The following UTRN variants were observed in gnomAD, a reference collection of about 807,000 sequenced individuals.
UTRN encodes the protein dystrophin-related protein 1.
UTRN carries 283 observed loss-of-function variants against 463.9 expected under a neutral mutation model. That is an observed-to-expected ratio of 0.61 (90% CI 0.55 to 0.67). UTRN has a LOEUF of 0.67. Among genes scored for constraint, UTRN ranks in the 30% least tolerant of loss-of-function variants. UTRN has a pLI of 0.00. For synonymous variants in UTRN, 1,442 were observed against 1,431.5 expected (o/e 1.01, Z -0.17); for missense variants, 3,922 against 4,084.3 (o/e 0.96, Z 1.08).
chr6:144,404,119 G>C (rs760156707), intron 3 of UTRN, among the ~76,000 whole-genome samples: 1 of 152,130 alleles, frequency 6.6e-6, no homozygotes. Flanking sequence ...AATGCTCCAC[G>C]TCCCAATATT....
rs147604505 is a variant in UTRN at position 144,516,909 on chromosome 6, G to C, written c.5502G>C (p.Leu1834Phe). The C allele has an allele frequency of 1.3e-6, 2 of 1,495,654 alleles. No homozygotes were observed. Among genetic ancestry groups the C allele is most frequent in the Non-Finnish European group, 1.8e-6 (2 of 1,125,358 alleles). 92.6% of individuals were successfully genotyped at this position (1,495,654 alleles called of 1,614,324 possible). Residue 1834 changes from leucine (L) to phenylalanine (F), a missense_variant, in exon 39 of 75, where the codon TTG becomes TTC. Around this residue, in one of 3 missense-constraint regions of UTRN, gnomAD observed 2,349 missense variants for 2,303.8 expected, o/e 1.02. Transcript: ENST00000367545. Reference protein sequence around the residue: ...MEDNKKEKIRLQLLLLHTRYN... With the variant: ...MEDNKKEKIRFQLLLLHTRYN... ...ATAATAAAAAAGAAAAGATCCGTTT[G>C]CAATTATTACTTTTGCATACTAGAT...
intron 53 of UTRN, among the ~76,000 whole-genome samples, chr6:144,720,249 A>C (rs1786976509): frequency 6.6e-6 from 1 of 152,218 alleles, no homozygotes; most frequent in Admixed American, 6.5e-5. Context: ...CACGCCAATC[A>C]CTTCTTTATA....
chr6:144,473,928 A>G (rs1182386734), intron 24 of UTRN, 95 bp downstream of exon 24: 4 of 748,376 alleles, frequency 5.3e-6, no homozygotes, highest in South Asian at 3.8e-5. Flanking sequence ...AGAATATAGC[A>G]TAGCATTACA....
chr6:144,649,608 A>C (rs1778605455), intron 51 of UTRN, among the ~76,000 whole-genome samples: 1 of 152,190 alleles, frequency 6.6e-6, no homozygotes, highest in South Asian at 2.1e-4. Context: ...AGGGAATGAT[A>C]CGACAGTATA....
intron 58 of UTRN, among the ~76,000 whole-genome samples, chr6:144,759,499 G>C (rs1455806727): frequency 1.3e-5 from 2 of 152,030 alleles, no homozygotes; most frequent in Non-Finnish European, 2.9e-5. Flanking sequence ...ACCCCTGAAA[G>C]ATGCTCACAT....
intron 34 of UTRN, among the ~76,000 whole-genome samples, chr6:144,508,637 T>G (rs1794905086): frequency 6.6e-6 from 1 of 152,156 alleles, no homozygotes; most frequent in African/African-American, 2.4e-5. Flanking sequence ...TCTGTTTTGG[T>G]CTTGCTGGGA....
chr6:144,500,809 G>A (rs1794104838), intron 34 of UTRN, among the ~76,000 whole-genome samples: 1 of 152,230 alleles, frequency 6.6e-6, no homozygotes, highest in Non-Finnish European at 1.5e-5. Context: ...GGCTTCTGCA[G>A]TAGAGAAAGA....
At chr6:144,615,860 C>CA (rs1455254217) in intron 51 of UTRN, among the ~76,000 whole-genome samples, 1 of 152,132 alleles carries the variant, frequency 6.6e-6, no homozygotes, top group Non-Finnish European at 1.5e-5. Flanking sequence ...CAAAGGCTCC[C>CA]ATTACACTTA....
intron 2 of UTRN, among the ~76,000 whole-genome samples, chr6:144,387,075 A>G (rs1781486739): frequency 6.6e-6 from 1 of 152,098 alleles, no homozygotes; most frequent in Non-Finnish European, 1.5e-5. Context: ...AAGTCTAGGT[A>G]GTTTGGTGTG....
At chr6:144,704,286 T>G (rs1293467907) in intron 53 of UTRN, among the ~76,000 whole-genome samples, 1 of 152,196 alleles carries the variant, frequency 6.6e-6, no homozygotes, top group African/African-American at 2.4e-5. Flanking sequence ...TCACCCTATC[T>G]TTTTCTTTAG....
intron 50 of UTRN, among the ~76,000 whole-genome samples, chr6:144,563,168 C>T (rs956276080): frequency 4.6e-5 from 7 of 152,002 alleles, no homozygotes; most frequent in Admixed American, 3.9e-4. Flanking sequence ...ATATAGTTTT[C>T]AAAAGGTTAT....
In UTRN at chr6:144,453,870, G is replaced by A. The variant is rs1268767784; in HGVS notation, c.2284+1G>A. 4 of 1,611,340 alleles carry A rather than the reference G, an allele frequency of 2.5e-6. No homozygotes were observed. The African/African-American group carries it at 4.0e-5, about 16-fold the overall frequency. ...ATCCTTGTGGAGCAAATGGGAAAAG[G>A]TAAGATCCTTGATTTTTTTCCCCTA... On this transcript the variant is annotated splice_donor_variant, in intron 19 of 74. Coordinates refer to ENST00000367545, the MANE Select transcript of UTRN (RefSeq NM_007124.3). LOFTEE classifies it high-confidence loss of function.
intron 52 of UTRN, among the ~76,000 whole-genome samples, chr6:144,684,445 T>C (rs1475742809): frequency 1.3e-5 from 2 of 152,194 alleles, no homozygotes; most frequent in Admixed American, 6.5e-5. Context: ...CCAAGTTTCT[T>C]TTTACTTTAT....
At chr6:144,713,980 G>T (rs561049856) in intron 53 of UTRN, among the ~76,000 whole-genome samples, 41 of 148,566 alleles carry the variant, frequency 2.8e-4, no homozygotes, top group Non-Finnish European at 4.8e-4. Flanking sequence ...AAAAGCAAAA[G>T]AATTTCTGTC....
intron 22 of UTRN, 94 bp from the exon 23 acceptor site, chr6:144,462,560 T>C (rs946876076): frequency 1.6e-6 from 2 of 1,226,060 alleles, no homozygotes; most frequent in Non-Finnish European, 2.3e-6. Context: ...TCTAATGCAT[T>C]TTAAAGTGAC....
chr6:144,309,688 T>C (rs1806072229), intron 2 of UTRN, among the ~76,000 whole-genome samples: 1 of 152,216 alleles, frequency 6.6e-6, no homozygotes, highest in African/African-American at 2.4e-5. Context: ...CCTTGGCCCA[T>C]GGAGGCTGGT....
chr6:144,737,592 A>G (rs1022466753), intron 54 of UTRN, among the ~76,000 whole-genome samples: 2 of 152,210 alleles, frequency 1.3e-5, no homozygotes, highest in African/African-American at 4.8e-5. Flanking sequence ...ATAGGGCTAA[A>G]TGGGTAAAAT....
At chr6:144,655,450 T>G (rs79851220) in intron 51 of UTRN, among the ~76,000 whole-genome samples, 4,118 of 152,330 alleles carry the variant, frequency 0.027, 142 homozygotes, top group African/African-American at 0.076. Context: ...TATATTTCTT[T>G]CACAAGAAAT....
At chr6:144,346,875 C>CATCTATCTATCTATCTATCTATCT (rs5880591) in intron 2 of UTRN, among the ~76,000 whole-genome samples, 2 of 151,096 alleles carry the variant, frequency 1.3e-5, no homozygotes, top group African/African-American at 4.9e-5. Context: ...ATCTATGTAT[C>CATCTATCTATCTATCTATCTATCT]ATCTATCTAT....
Sources: allele counts gnomAD v4.1 joint callset (sites outside exome capture counted in the v4.1 genomes callset), GRCh38; gene constraint gnomAD v4.1.1; regional missense constraint gnomAD v4.1.1; transcripts MANE v1.5; gene names NCBI Gene and HGNC (gene_info 2026-07-23, HGNC 2026-07-21).